The following KRT71 variants were observed in gnomAD, a reference collection of about 807,000 sequenced individuals.
KRT71 encodes keratin, type II cytoskeletal 71.
Under a neutral mutation model 46.2 loss-of-function variants are expected in KRT71, and 42 were observed. The observed-to-expected ratio is 0.91, with a 90% CI of 0.71 to 1.18. The LOEUF (loss-of-function observed/expected upper bound fraction) is 1.18, where lower values mean the gene tolerates loss of function less well. Ranked by LOEUF, KRT71 falls within the 50% of genes most tolerant of loss-of-function variation. KRT71 has a pLI of 0.00. For missense variants in KRT71, 708 were observed against 677.9 expected (o/e 1.04, Z -0.49); for synonymous variants, 292 against 277.8 (o/e 1.05, Z -0.51).
intron 2 of KRT71, 29 bp downstream of exon 2, chr12:52,550,000 C>A: frequency 6.2e-7 from 1 of 1,612,818 alleles, no homozygotes; most frequent in Non-Finnish European, 8.5e-7. Flanking sequence ...GGGCAGTTGT[C>A]CAGTTACAGG....
chr12:52,545,030 C>G (rs886414262), intron 8 of KRT71, among the ~76,000 whole-genome samples: 1 of 152,176 alleles, frequency 6.6e-6, no homozygotes. Context: ...CACCCATTGC[C>G]CTTTCTATTA....
At chr12:52,552,523 C>T in intron 1 of KRT71, 114 bp downstream of exon 1, 1 of 1,098,440 alleles carries the variant, frequency 9.1e-7, no homozygotes, top group South Asian at 1.6e-5. Flanking sequence ...ACCTTGTCCA[C>T]AGTAAAGTCT....
At chr12:52,549,930 T>A in intron 2 of KRT71, 99 bp downstream of exon 2, 1 of 1,379,260 alleles carries the variant, frequency 7.3e-7, no homozygotes, top group Non-Finnish European at 1.0e-6. Flanking sequence ...AACAATGCCC[T>A]CCACTGACCT....
intron 1 of KRT71, 78 bp downstream of exon 1, chr12:52,552,559 C>G: frequency 1.4e-6 from 2 of 1,438,866 alleles, no homozygotes; most frequent in Non-Finnish European, 1.9e-6. Context: ...TCAATCTCTC[C>G]TGCTGTAACA....
Position 52,548,122 on chromosome 12 carries a change from C to G in KRT71, c.978+30G>C, listed in dbSNP as rs757732930. On this transcript the variant is annotated intron_variant, in intron 5 of 8. Coordinates refer to ENST00000267119, the MANE Select transcript of KRT71 (RefSeq NM_033448.3). ...TCCATCTGCTGCCCGCTGGCATCAC[C>G]CTCCCTGGCCCCACCTCAGCCCAGC... 8 of 1,608,484 alleles carry G rather than the reference C, an allele frequency of 5.0e-6. No homozygotes were observed. In the South Asian group the frequency reaches 8.9e-5, roughly 18 times the overall value.
At chr12:52,549,122 C>G (rs1939114784) in intron 3 of KRT71, among the ~76,000 whole-genome samples, 171 bp downstream of exon 3, 1 of 152,192 alleles carries the variant, frequency 6.6e-6, no homozygotes, top group African/African-American at 2.4e-5. Context: ...TGGCACCCTC[C>G]CTGCCTTTTC....
At chr12:52,550,917 G>A (rs192070925) in intron 1 of KRT71, among the ~76,000 whole-genome samples, 7 of 152,350 alleles carry the variant, frequency 4.6e-5, no homozygotes, top group Admixed American at 3.3e-4. Flanking sequence ...TTTTTAAAAT[G>A]TGACTTCCCT....
intron 1 of KRT71, among the ~76,000 whole-genome samples, chr12:52,551,634 C>A (rs1023061362): frequency 6.6e-6 from 1 of 152,142 alleles, no homozygotes; most frequent in Non-Finnish European, 1.5e-5. Flanking sequence ...TGGGTTGACC[C>A]GTCCTTGGTG....
intron 8 of KRT71, among the ~76,000 whole-genome samples, chr12:52,544,949 G>C (rs1315365846): frequency 6.6e-6 from 1 of 152,106 alleles, no homozygotes; most frequent in Non-Finnish European, 1.5e-5. Flanking sequence ...GCTGAGTCTT[G>C]CCCCATTAAT....
chr12:52,552,992 G>A lies in KRT71; in HGVS notation c.86C>T (p.Ser29Leu). 2 of 1,614,090 alleles carry A rather than the reference G, an allele frequency of 1.2e-6. No homozygotes were observed. Among genetic ancestry groups the A allele is most frequent in the Middle Eastern group, 1.7e-4 (1 of 6,060 alleles). ...TTTGCTCCCTGCCCGGAAGGAGGAT[G>A]AGCTGCCCCCTGAGAGCACAGCTGA... ...GCSAVLSGGS[S>L]SSFRAGSKGL... The change falls in exon 1 of 9, where the codon TCA becomes TTA. Residue 29 changes from serine to leucine, a missense_variant. Transcript: ENST00000267119.
Position 52,549,349 on chromosome 12 carries a change from C to A in KRT71, c.661G>T (p.Glu221Ter). 6.2e-7 allele frequency: 1 copy of A among 1,613,520 alleles called. No homozygotes were observed. The highest frequency in any genetic ancestry group is 8.5e-7 in the Non-Finnish European group (1 of 1,179,470). Residue 221 changes from glutamate to a stop codon, truncating the protein, a stop_gained, in exon 3 of 9, where the codon GAG becomes TAG. Coordinates refer to ENST00000267119, the MANE Select transcript of KRT71 (RefSeq NM_033448.3). LOFTEE classifies it high-confidence loss of function. Reference sequence around the variant, plus strand: ...GCTGTCCGCTTGTTGATTTCCTCCTCATACCTGTGGGAATGGCGAGGGCTC... The same window carrying A: ...GCTGTCCGCTTGTTGATTTCCTCCTAATACCTGTGGGAATGGCGAGGGCTC... ...DVVEDYKKRY[E>*]EEINKRTAAE...
chr12:52,548,651 T>G, intron 4 of KRT71, 50 bp downstream of exon 4: 1 of 1,536,128 alleles, frequency 6.5e-7, no homozygotes, highest in Non-Finnish European at 9.0e-7. Context: ...TAGAATAGAG[T>G]TTAACCCACC....
rs778746010 is a variant in KRT71, at chr12:52,545,549, G to A, written c.1360+16C>T. 7 of 1,518,774 alleles carry A rather than the reference G, an allele frequency of 4.6e-6. No homozygotes were observed. The African/African-American group carries it at 5.5e-5, about 12-fold the overall frequency. 94.1% of individuals were successfully genotyped at this position (1,518,774 alleles called of 1,614,324 possible). ...GCAGATTTTACAATTTTAGGTGAAAGTATACAAATACTTACAGATGCTGAC... is the reference window on the plus strand; with the variant it reads ...GCAGATTTTACAATTTTAGGTGAAAATATACAAATACTTACAGATGCTGAC... On this transcript the variant is annotated intron_variant, in intron 8 of 8. Transcript: ENST00000267119.
Position 52,550,048 on chromosome 12 carries a change from C to G in KRT71, c.637G>C (p.Val213Leu). ...GCTCACCTCTTCTTGTAGTCCTCCA[C>G]TACGTCCCGCACATTCCTCAGCTCC... ...DSELRNVRDV[V>L]EDYKKRYEEE... The change falls in exon 2 of 9, where the codon GTG (valine) becomes CTG (leucine). Residue 213 changes from valine to leucine, a missense_variant. Physicochemically the swap from Val to Leu is conservative, Grantham distance 32. Transcript: ENST00000267119. 6.2e-7 allele frequency: 1 copy of G among 1,614,144 alleles called. No individual in the cohort carries two copies. Among genetic ancestry groups the G allele is most frequent in the Non-Finnish European group, 8.5e-7 (1 of 1,179,992 alleles).
intron 1 of KRT71, 65 bp from the exon 2 acceptor site, chr12:52,550,308 G>T (rs1939147349): frequency 1.3e-6 from 2 of 1,578,500 alleles, no homozygotes; most frequent in Admixed American, 1.7e-5. Flanking sequence ...CTCTCACAGG[G>T]CATTGTGTAA....
At chr12:52,551,327 G>A (rs557413129) in intron 1 of KRT71, among the ~76,000 whole-genome samples, 1 of 152,230 alleles carries the variant, frequency 6.6e-6, no homozygotes, top group African/African-American at 2.4e-5. Flanking sequence ...TTATAAACAG[G>A]ATGTGACCCT....
intron 1 of KRT71, 50 bp from the exon 2 acceptor site, chr12:52,550,293 C>A: frequency 1.2e-6 from 2 of 1,602,786 alleles, no homozygotes; most frequent in Non-Finnish European, 1.7e-6. Context: ...AATAGTCACA[C>A]GTGTCTCTCA....
chr12:52,548,416 G>A lies in KRT71; in HGVS notation c.814-100C>T, dbSNP rs1939097515. The A allele has an allele frequency of 2.9e-6, 4 of 1,363,306 alleles. No homozygotes were observed. In the South Asian group the frequency reaches 4.0e-5, roughly 14 times the overall value. 84.5% of individuals were successfully genotyped at this position (1,363,306 alleles called of 1,614,324 possible). A position where few individuals can be genotyped will look rare whatever the true frequency, so the allele number is the denominator to read the frequency against. Reference sequence around the variant, plus strand: ...CAAATTCTGGTGATGCCATCTTGGAGGCTGGAACCCAAGGCTGCTGCCATC... The same window carrying A: ...CAAATTCTGGTGATGCCATCTTGGAAGCTGGAACCCAAGGCTGCTGCCATC... On this transcript the variant is annotated intron_variant, in intron 4 of 8. Coordinates refer to ENST00000267119, the MANE Select transcript of KRT71 (RefSeq NM_033448.3).
At chr12:52,548,916 G>T in intron 3 of KRT71, 120 bp from the exon 4 acceptor site, 1 of 876,856 alleles carries the variant, frequency 1.1e-6, no homozygotes, top group Non-Finnish European at 1.8e-6. Context: ...TTTGCCTTGG[G>T]AAAGGAGACA....
Sources: allele counts gnomAD v4.1 joint callset (sites outside exome capture counted in the v4.1 genomes callset), GRCh38; gene constraint gnomAD v4.1.1; transcripts MANE v1.5; gene names NCBI Gene and HGNC (gene_info 2026-07-23, HGNC 2026-07-21).